SLC25A48: variants seen among roughly 807,000 people sequenced by gnomAD.
SLC25A48 encodes CTC-321K16.1.
Under a neutral mutation model 32.2 loss-of-function variants are expected in SLC25A48, and 29 were observed. The ratio of observed to expected loss-of-function variants is 0.90; its 90% CI spans 0.67 to 1.23. The LOEUF is 1.23. SLC25A48 is among the 50% of genes most tolerant of loss of function. The pLI, the probability that SLC25A48 is intolerant of heterozygous loss-of-function variation, is 0.00. For missense variants in SLC25A48, 399 were observed against 422.7 expected, an observed-to-expected ratio of 0.94 and a Z score of 0.49; for synonymous variants, 164 against 172.3, an observed-to-expected ratio of 0.95 and a Z score of 0.38.
At chr5:135,729,702 G>A (rs1020399224) in intron 3 of SLC25A48, among the ~76,000 whole-genome samples, 2 of 152,108 alleles carry the variant, frequency 1.3e-5, no homozygotes, top group Non-Finnish European at 2.9e-5. Flanking sequence ...AGCTCAGAAA[G>A]TTCCTCATTT....
intron 4 of SLC25A48, among the ~76,000 whole-genome samples, chr5:135,859,672 G>C (rs12515289): frequency 0.26 from 40,239 of 152,102 alleles, 6,456 homozygotes; most frequent in African/African-American, 0.45. Context: ...GCTTGCTGCT[G>C]ATTGGTTGGC....
intron 3 of SLC25A48, among the ~76,000 whole-genome samples, chr5:135,653,050 G>A (rs1177086213): frequency 2.0e-5 from 3 of 152,194 alleles, no homozygotes; most frequent in Non-Finnish European, 4.4e-5. Flanking sequence ...AGAACACAGC[G>A]TTCATCCTCT....
At chr5:135,597,483 A>G (rs1267711038) in intron 1 of SLC25A48, among the ~76,000 whole-genome samples, 2 of 152,214 alleles carry the variant, frequency 1.3e-5, no homozygotes, top group Non-Finnish European at 2.9e-5. Flanking sequence ...TCAAAACTGC[A>G]CTTGCTCTTG....
At chr5:135,644,704 A>G (rs1224395031) in intron 3 of SLC25A48, among the ~76,000 whole-genome samples, 2 of 152,170 alleles carry the variant, frequency 1.3e-5, no homozygotes, top group Non-Finnish European at 2.9e-5. Context: ...TTCCAAAGCC[A>G]TGCTCTTTGC....
At chr5:135,621,969 A>C (rs1309639558) in intron 1 of SLC25A48, among the ~76,000 whole-genome samples, 1 of 152,204 alleles carries the variant, frequency 6.6e-6, no homozygotes, top group Non-Finnish European at 1.5e-5. Context: ...TGTTTATATA[A>C]GATCTTGTAT....
chr5:135,762,020 C>T (rs4452549), intron 3 of SLC25A48, among the ~76,000 whole-genome samples: 107,808 of 152,078 alleles, frequency 0.71, 39,663 homozygotes, highest in Middle Eastern at 0.83. Flanking sequence ...GCCGAAGGAA[C>T]GCATTGGAGA....
At chr5:135,820,731 G>C (rs568926262) in intron 4 of SLC25A48, among the ~76,000 whole-genome samples, 16 of 152,164 alleles carry the variant, frequency 1.1e-4, no homozygotes, top group Non-Finnish European at 1.8e-4. Flanking sequence ...CTTAAGTGAC[G>C]TTGAGTCGAG....
At chr5:135,743,074 ATT>A (rs1283331243) in intron 3 of SLC25A48, among the ~76,000 whole-genome samples, 129 of 10,928 alleles carry the variant, frequency 0.012, 2 homozygotes, top group African/African-American at 0.024. Context: ...CCTTCCCTTC[ATT>A]TTTTTTTTTT....
At chr5:135,640,455 G>A (rs561010011) in intron 3 of SLC25A48, among the ~76,000 whole-genome samples, 184 of 152,074 alleles carry the variant, frequency 1.2e-3, no homozygotes, top group African/African-American at 4.4e-3. Context: ...CCATACCAAG[G>A]GACATTATAG....
intron 3 of SLC25A48, chr5:135,803,181 G>A (rs552923682): frequency 3.0e-4 from 45 of 150,516 alleles, no homozygotes; most frequent in Non-Finnish European, 4.0e-4. Context: ...GAGATATTAC[G>A]TGTAATATCA....
intron 1 of SLC25A48, among the ~76,000 whole-genome samples, chr5:135,603,757 G>A (rs1751860888): frequency 6.6e-6 from 1 of 152,222 alleles, no homozygotes; most frequent in Non-Finnish European, 1.5e-5. Flanking sequence ...CGTTCCTTTA[G>A]CAATGAGATG....
intron 3 of SLC25A48, among the ~76,000 whole-genome samples, chr5:135,642,749 G>A (rs1752868830): frequency 6.6e-6 from 1 of 152,144 alleles, no homozygotes; most frequent in Non-Finnish European, 1.5e-5. Flanking sequence ...ACCTGGCTAC[G>A]ATCTCATAGA....
intron 3 of SLC25A48, among the ~76,000 whole-genome samples, chr5:135,645,862 CT>C (rs1186903160): frequency 6.6e-6 from 1 of 152,158 alleles, no homozygotes; most frequent in African/African-American, 2.4e-5. Context: ...GAACTTCTCC[CT>C]TTATCTCATA....
intron 7 of SLC25A48, among the ~76,000 whole-genome samples, chr5:135,884,255 C>T (rs1287758999): frequency 1.3e-5 from 2 of 152,188 alleles, no homozygotes; most frequent in Non-Finnish European, 2.9e-5. Context: ...AGACCGAAGA[C>T]CAAAGCAATT....
At chr5:135,585,819 T>C (rs949385990) in intron 1 of SLC25A48, among the ~76,000 whole-genome samples, 3 of 152,100 alleles carry the variant, frequency 2.0e-5, no homozygotes, top group African/African-American at 7.2e-5. Context: ...TTAAATGAGC[T>C]GATATAGAAC....
At chr5:135,661,427 C>T (rs1252367403) in intron 3 of SLC25A48, among the ~76,000 whole-genome samples, 1 of 152,140 alleles carries the variant, frequency 6.6e-6, no homozygotes, top group Non-Finnish European at 1.5e-5. Context: ...GTCTTTGTGC[C>T]CTAGGTTGCC....
chr5:135,764,704 T>C (rs1040680603), intron 3 of SLC25A48, among the ~76,000 whole-genome samples: 9 of 143,636 alleles, frequency 6.3e-5, no homozygotes, highest in African/African-American at 2.3e-4. Flanking sequence ...ATTCATAATA[T>C]CTGGGGGGGA....
intron 3 of SLC25A48, among the ~76,000 whole-genome samples, chr5:135,751,274 C>T (rs538368215): frequency 1.3e-4 from 20 of 152,276 alleles, no homozygotes; most frequent in African/African-American, 4.1e-4. Context: ...TTGTTTCAGC[C>T]GGGATATGCT....
At chr5:135,705,696 C>T (rs1754491643) in intron 3 of SLC25A48, among the ~76,000 whole-genome samples, 1 of 152,208 alleles carries the variant, frequency 6.6e-6, no homozygotes, top group African/African-American at 2.4e-5. Context: ...GGCTCTGGCT[C>T]TTAAAAACAG....
Sources: gnomAD v4.1 joint callset for allele counts (sites outside exome capture counted in the v4.1 genomes callset) on GRCh38, gnomAD v4.1.1 for gene constraint, MANE v1.5 for transcripts, NCBI Gene and HGNC (gene_info 2026-07-23, HGNC 2026-07-21) for gene names.